Variants in INTS15 observed in about 807,000 individuals in gnomAD.
The protein encoded by INTS15 is integrator complex subunit 15.
the INTS15 span, among the ~76,000 whole-genome samples, chr7:6,593,608 A>G: frequency 1.3e-5 from 2 of 150,374 alleles, no homozygotes; most frequent in African/African-American, 4.9e-5. Context: ...TGCTGGGATT[A>G]CAGGGATGAG....
the INTS15 span, chr7:6,590,131 C>A: frequency 1.8e-6 from 1 of 547,270 alleles, no homozygotes; most frequent in South Asian, 7.0e-5. Context: ...GCCCCCTGAG[C>A]AGGCAGGGAG....
the INTS15 span, chr7:6,590,608 C>G: frequency 7.2e-7 from 1 of 1,392,722 alleles, no homozygotes; most frequent in Non-Finnish European, 9.3e-7. Flanking sequence ...GGCCTCGCTC[C>G]TGCAGCAGCC....
the INTS15 span, among the ~76,000 whole-genome samples, chr7:6,606,731 C>T: frequency 6.7e-6 from 1 of 149,462 alleles, no homozygotes; most frequent in Admixed American, 6.7e-5. Flanking sequence ...CAGGGACTCA[C>T]ACTGGCTCCC....
the INTS15 span, chr7:6,594,703 GT>G: frequency 1.8e-6 from 2 of 1,090,100 alleles, no homozygotes; most frequent in Non-Finnish European, 2.6e-6. Context: ...TGCTTTGGCT[GT>G]TTTGTCTCTG....
At chr7:6,607,757 A>G in the INTS15 span, 2 of 1,490,412 alleles carry the variant, frequency 1.3e-6, no homozygotes, top group Non-Finnish European at 1.8e-6. This position sits in a 1 kb window ranked among gnomAD's most constrained non-coding sequence, Gnocchi z 6.0. Flanking sequence ...GGCCCCGTGC[A>G]GAGCCCACTC....
the INTS15 span, among the ~76,000 whole-genome samples, chr7:6,600,752 G>T: frequency 6.6e-6 from 1 of 151,254 alleles, no homozygotes; most frequent in East Asian, 1.9e-4. Context: ...CCATCTCCTG[G>T]GTTTAAGCAA....
the INTS15 span, among the ~76,000 whole-genome samples, chr7:6,593,451 C>G: frequency 6.6e-6 from 1 of 151,518 alleles, no homozygotes; most frequent in African/African-American, 2.4e-5. Flanking sequence ...CTGCCTCAGC[C>G]TCTCGAGTAG....
chr7:6,591,414 G>A, the INTS15 span, among the ~76,000 whole-genome samples: 26 of 150,362 alleles, frequency 1.7e-4, no homozygotes, highest in African/African-American at 5.7e-4. Context: ...TTACAGGTGC[G>A]CGCCACCATG....
the INTS15 span, among the ~76,000 whole-genome samples, chr7:6,598,764 TGTGTGTGTGTGTGTGTGTGTG>T: frequency 1.8e-5 from 2 of 111,018 alleles, no homozygotes; most frequent in African/African-American, 9.3e-5. Flanking sequence ...TGTGTGTGTG[TGTGTGTGTGTGTGTGTGTGTG>T]TATTTTTTTT....
chr7:6,594,664 C>A, the INTS15 span: 1 of 1,491,838 alleles, frequency 6.7e-7, no homozygotes, highest in Non-Finnish European at 9.3e-7. Context: ...TTATTTTCCA[C>A]TGAATACCCA....
At chr7:6,608,421 C>T in the INTS15 span, 3 of 1,363,492 alleles carry the variant, frequency 2.2e-6, no homozygotes, top group Non-Finnish European at 2.8e-6. Context: ...ATCCTGGGAG[C>T]CTCTGTTCTC....
At chr7:6,607,931 C>G in the INTS15 span, 3 of 1,596,738 alleles carry the variant, frequency 1.9e-6, no homozygotes, top group Non-Finnish European at 1.7e-6. This position sits in a 1 kb window ranked among gnomAD's most constrained non-coding sequence, Gnocchi z 6.0. Flanking sequence ...GGAGCCCGCC[C>G]GCGCTGACGC....
At chr7:6,607,605 G>C in the INTS15 span, 1 of 1,393,672 alleles carries the variant, frequency 7.2e-7, no homozygotes, top group Non-Finnish European at 9.6e-7. This position sits in a 1 kb window ranked among gnomAD's most constrained non-coding sequence, Gnocchi z 6.0. Flanking sequence ...CAGGTAGGGC[G>C]CGGTCATTCT....
At chr7:6,597,773 T>C in the INTS15 span, among the ~76,000 whole-genome samples, 1 of 152,220 alleles carries the variant, frequency 6.6e-6, no homozygotes, top group Non-Finnish European at 1.5e-5. Flanking sequence ...ATGTTGGTGA[T>C]TTCTCAAGTC....
chr7:6,591,141 G>T, the INTS15 span, among the ~76,000 whole-genome samples: 1 of 151,848 alleles, frequency 6.6e-6, no homozygotes, highest in Admixed American at 6.6e-5. Flanking sequence ...TGGCCTATAT[G>T]ACTTTTTTCT....
chr7:6,600,025 G>T, the INTS15 span: 4 of 1,614,164 alleles, frequency 2.5e-6, no homozygotes, highest in Admixed American at 6.7e-5. Flanking sequence ...GGAAAAAGAA[G>T]CCCCCCTTAT....
chr7:6,603,890 T>C, the INTS15 span, among the ~76,000 whole-genome samples: 52 of 152,116 alleles, frequency 3.4e-4, no homozygotes, highest in Non-Finnish European at 6.3e-4. Context: ...ATCCCAGCTA[T>C]TCATTCGGGC....
chr7:6,599,799 T>C, the INTS15 span: 3 of 1,598,184 alleles, frequency 1.9e-6, no homozygotes, highest in African/African-American at 4.0e-5. Context: ...AGGCCAAGAG[T>C]GCTCCTGACC....
the INTS15 span, chr7:6,590,225 GTCCC>G: frequency 7.2e-7 from 1 of 1,394,044 alleles, no homozygotes; most frequent in Non-Finnish European, 9.3e-7. Flanking sequence ...TAGCGGCGCA[GTCCC>G]GGGCCCCGGG....
Sources: gnomAD v4.1 joint callset for allele counts (sites outside exome capture counted in the v4.1 genomes callset) on GRCh38, gnomAD v4.1.1 for gene constraint, Gnocchi (gnomAD v3.1) non-coding constraint, MANE v1.5 for transcripts, NCBI Gene and HGNC (gene_info 2026-07-23, HGNC 2026-07-21) for gene names.